The following ZNF322 variants were observed in gnomAD, a reference collection of about 807,000 sequenced individuals.
ZNF322 encodes HLA complex group 12.
ZNF322 carries 1 observed loss-of-function variant against 18.3 expected under a neutral mutation model. The ratio of observed to expected loss-of-function variants is 0.05; its 90% confidence interval spans 0.02 to 0.26. ZNF322 has a LOEUF of 0.26. Among genes scored for constraint, ZNF322 ranks in the 10% least tolerant of loss-of-function variants. The pLI is 1.00. For synonymous variants in ZNF322, 17 were observed against 130.7 expected, an observed-to-expected ratio of 0.13 and a Z score of 5.93; for missense variants, 36 against 403.6, an observed-to-expected ratio of 0.09 and a Z score of 7.80.
chr6:26,649,357 C>T (rs1765610770), intron 2 of ZNF322, among the ~76,000 whole-genome samples: 1 of 152,040 alleles, frequency 6.6e-6, no homozygotes, highest in South Asian at 2.1e-4. Context: ...CATCTCAAAT[C>T]ACCAGGGCAA....
rs1356702626 is a variant in ZNF322 at position 26,649,633 on chromosome 6, ACATATGTG to A, written c.-245-5913_-245-5906del. Among the ~76,000 whole-genome samples the A allele has an allele frequency of 6.8e-4, 80 of 118,286 alleles. 1 individual carries two copies. Among genetic ancestry groups the A allele is most frequent in the Admixed American group, 3.5e-4 (4 of 11,582 alleles). 77.6% of individuals were successfully genotyped at this position (118,286 alleles called of 152,430 possible). A position where few individuals can be genotyped will look rare whatever the true frequency, so the allele number is the denominator to read the frequency against. ...TTAAAGTTTTCTTTTATATATACATACATATGTGTGTGTGTGTGTGTGTGTGTGTGTGT... is the reference window on the plus strand; with the variant it reads ...TTAAAGTTTTCTTTTATATATACATATGTGTGTGTGTGTGTGTGTGTGTGT... On this transcript the variant is annotated intron_variant, in intron 2 of 3. Transcript: ENST00000415922.
chr6:26,659,041 TAA>T (rs1416948331), intron 1 of ZNF322, among the ~76,000 whole-genome samples: 1 of 152,232 alleles, frequency 6.6e-6, no homozygotes, highest in Non-Finnish European at 1.5e-5. Flanking sequence ...GTATATAATA[TAA>T]AGTTATCTGT....
At chr6:26,656,396 T>C (rs1234776532) in intron 2 of ZNF322, among the ~76,000 whole-genome samples, 3 of 152,246 alleles carry the variant, frequency 2.0e-5, no homozygotes, top group Non-Finnish European at 4.4e-5. Context: ...GATTCTATTA[T>C]TTTCTTAATT....
chr6:26,650,401 C>G (rs1554149092), intron 2 of ZNF322: 2 of 152,126 alleles, frequency 1.3e-5, no homozygotes, highest in Non-Finnish European at 2.9e-5. Flanking sequence ...AATGTTCTCT[C>G]TCACCACTGC....
At chr6:26,648,846 A>C (rs914281569) in intron 2 of ZNF322, among the ~76,000 whole-genome samples, 4 of 152,264 alleles carry the variant, frequency 2.6e-5, no homozygotes, top group Admixed American at 2.6e-4. Flanking sequence ...CATTATGAAG[A>C]TGTTCCCTCC....
chr6:26,647,089 A>T (rs1384787712), intron 2 of ZNF322, among the ~76,000 whole-genome samples: 3 of 152,172 alleles, frequency 2.0e-5, no homozygotes, highest in African/African-American at 7.2e-5. Flanking sequence ...ATTTCAATTG[A>T]GCCCAGGAGT....
At chr6:26,654,750 G>C (rs1414945853) in intron 2 of ZNF322, among the ~76,000 whole-genome samples, 1 of 152,014 alleles carries the variant, frequency 6.6e-6, no homozygotes, top group African/African-American at 2.4e-5. Context: ...ATCAAAAGAA[G>C]AGTACTGTGC....
In ZNF322 at chr6:26,635,040, G is replaced by A. The variant is rs1249381166; in HGVS notation, c.*2305C>T. 2.2e-5 allele frequency: 3 copies of A among 137,074 alleles called. No homozygotes were observed. The highest frequency in any genetic ancestry group is 4.9e-4 in the South Asian group (2 of 4,044). 8.5% of individuals were successfully genotyped at this position (137,074 alleles called of 1,614,324 possible). ...TTCTAAATATTACAAAAACATGTCAGATCAAATAAACTTCCAGGATCTTTT... is the reference window on the plus strand; with the variant it reads ...TTCTAAATATTACAAAAACATGTCAAATCAAATAAACTTCCAGGATCTTTT... On this transcript the variant is annotated 3_prime_UTR_variant, in exon 4 of 4. Coordinates refer to ENST00000415922, the MANE Select transcript of ZNF322 (RefSeq NM_024639.5).
chr6:26,656,305 TCA>T (rs1228544186), intron 2 of ZNF322, among the ~76,000 whole-genome samples: 2 of 152,198 alleles, frequency 1.3e-5, no homozygotes, highest in African/African-American at 4.8e-5. Context: ...TCTTTTTTCC[TCA>T]CAGAGTTGCT....
At chr6:26,655,839 G>A (rs1554149639) in intron 2 of ZNF322, among the ~76,000 whole-genome samples, 3 of 152,108 alleles carry the variant, frequency 2.0e-5, no homozygotes, top group Non-Finnish European at 4.4e-5. Flanking sequence ...GCCATGAAAT[G>A]ACACAGCAAG....
intron 2 of ZNF322, among the ~76,000 whole-genome samples, chr6:26,655,542 G>A (rs1765754051): frequency 6.6e-6 from 1 of 152,188 alleles, no homozygotes; most frequent in Non-Finnish European, 1.5e-5. Flanking sequence ...CTCTGTTTGA[G>A]AAGAGACATG....
At chr6:26,640,157 CT>C (rs1241486418) in intron 3 of ZNF322, among the ~76,000 whole-genome samples, 1 of 152,228 alleles carries the variant, frequency 6.6e-6, no homozygotes, top group African/African-American at 2.4e-5. Flanking sequence ...TCCCATTTCT[CT>C]GTTCCTCTCC....
Position 26,657,030 on chromosome 6 carries a change from C to G in ZNF322, c.-246+1528G>C, listed in dbSNP as rs558550504. ...TCGGGAAGCCGAGGCTGGCGGATCACAAGGTCAGGAGATTGAGACCATCCT... is the reference window on the plus strand; with the variant it reads ...TCGGGAAGCCGAGGCTGGCGGATCAGAAGGTCAGGAGATTGAGACCATCCT... On this transcript the variant is annotated intron_variant, in intron 2 of 3. Coordinates refer to ENST00000415922, the MANE Select transcript of ZNF322 (RefSeq NM_024639.5). Among the ~76,000 whole-genome samples the G allele has an allele frequency of 1.2e-3, 176 of 152,274 alleles. 2 individuals are homozygous for G. Among genetic ancestry groups the G allele is most frequent in the Non-Finnish European group, 4.0e-4 (27 of 68,030 alleles).
intron 2 of ZNF322, among the ~76,000 whole-genome samples, chr6:26,651,980 T>G (rs1463068120): frequency 6.6e-6 from 1 of 152,128 alleles, no homozygotes; most frequent in Non-Finnish European, 1.5e-5. Context: ...CACAGGCATG[T>G]GTCACTACTC....
chr6:26,640,364 T>TA (rs2113657907), intron 3 of ZNF322, among the ~76,000 whole-genome samples: 1 of 152,280 alleles, frequency 6.6e-6, no homozygotes, highest in East Asian at 1.9e-4. Context: ...TTCCTCTACT[T>TA]ACTCATTGCA....
At chr6:26,646,692 C>T (rs1475974441) in intron 2 of ZNF322, among the ~76,000 whole-genome samples, 5 of 152,184 alleles carry the variant, frequency 3.3e-5, no homozygotes, top group South Asian at 2.1e-4. Flanking sequence ...TATATTAAAC[C>T]GTATGTCCTG....
intron 2 of ZNF322, among the ~76,000 whole-genome samples, chr6:26,649,669 GTGTGTGTA>G (rs1174770607): frequency 3.8e-3 from 138 of 36,264 alleles, no homozygotes; most frequent in Non-Finnish European, 4.8e-3. Flanking sequence ...GTGTGTGTGT[GTGTGTGTA>G]TATATATATA....
chr6:26,658,313 C>T (rs1765817464), intron 2 of ZNF322, among the ~76,000 whole-genome samples: 1 of 152,026 alleles, frequency 6.6e-6, no homozygotes, highest in Non-Finnish European at 1.5e-5. Flanking sequence ...CTTTGTGCTA[C>T]AAATCAATCA....
intron 3 of ZNF322, among the ~76,000 whole-genome samples, chr6:26,642,587 T>A (rs532699325): frequency 6.6e-6 from 1 of 152,352 alleles, no homozygotes; most frequent in African/African-American, 2.4e-5. Flanking sequence ...CAGGTGACTT[T>A]CACGGTATCA....
Sources: gnomAD v4.1 joint callset for allele counts (sites outside exome capture counted in the v4.1 genomes callset) on GRCh38, gnomAD v4.1.1 for gene constraint, MANE v1.5 for transcripts, NCBI Gene and HGNC (gene_info 2026-07-23, HGNC 2026-07-21) for gene names.